Variants in P4HA1 observed in about 807,000 individuals in gnomAD.
The protein encoded by P4HA1 is prolyl 4-hydroxylase subunit alpha 1.
In P4HA1, 24 loss-of-function variants were observed where a neutral mutation model predicts 72.8. The ratio of observed to expected loss-of-function variants is 0.33; its 90% CI spans 0.24 to 0.46. The LOEUF (loss-of-function observed/expected upper bound fraction) is 0.46. Ranked by LOEUF, P4HA1 falls within the 20% of genes least tolerant of loss-of-function variation. P4HA1 has a pLI of 1.00. For missense variants in P4HA1, 446 were observed against 640.6 expected, an observed-to-expected ratio of 0.70 and a Z score of 3.28; for synonymous variants, 201 against 218.8, an observed-to-expected ratio of 0.92 and a Z score of 0.72.
At chr10:73,071,890 T>C (rs996809950) in intron 4 of P4HA1, 139 bp downstream of exon 4, 1 of 555,446 alleles carries the variant, frequency 1.8e-6, no homozygotes, top group Non-Finnish European at 3.1e-6. Flanking sequence ...TTAACTCTAT[T>C]CAAACCAAAT....
chr10:73,080,401 T>C (rs1274999812), intron 1 of P4HA1, among the ~76,000 whole-genome samples: 1 of 152,216 alleles, frequency 6.6e-6, no homozygotes, highest in African/African-American at 2.4e-5. Flanking sequence ...GGCTGGGGGA[T>C]CACAGTCTGA....
At chr10:73,029,488 T>C (rs1030065730) in intron 10 of P4HA1, among the ~76,000 whole-genome samples, 4 of 151,878 alleles carry the variant, frequency 2.6e-5, no homozygotes, top group Admixed American at 6.6e-5. Context: ...AGTGCACATT[T>C]TGATAACTTC....
At chr10:73,049,880 A>T (rs1280809654) in intron 7 of P4HA1, among the ~76,000 whole-genome samples, 1 of 152,110 alleles carries the variant, frequency 6.6e-6, no homozygotes, top group Non-Finnish European at 1.5e-5. Flanking sequence ...AGGCTGCTGA[A>T]CAGATGAGTG....
intron 10 of P4HA1, among the ~76,000 whole-genome samples, chr10:73,019,542 A>G (rs1046791397): frequency 1.3e-5 from 2 of 152,102 alleles, no homozygotes; most frequent in African/African-American, 4.8e-5. Flanking sequence ...AATTCATGAT[A>G]TGAATCAGAA....
At chr10:73,093,168 CATA>C (rs1455909158) in intron 1 of P4HA1, among the ~76,000 whole-genome samples, 2 of 148,824 alleles carry the variant, frequency 1.3e-5, no homozygotes, top group African/African-American at 2.5e-5. Flanking sequence ...ACTAATTCCA[CATA>C]ATATTACTAT....
In P4HA1 at chr10:73,037,556, TATATATATA is replaced by T. The variant is rs1458876356; in HGVS notation, c.1149-7195_1149-7187del. On this transcript the variant is annotated intron_variant, in intron 9 of 14. Transcript: ENST00000394890. ...ATATATATATATATATATATATATA[TATATATATA>T]TATATATTTTTTTTTTTTTTTTTTT... Among the ~76,000 whole-genome samples, 74 of 35,386 alleles carry T rather than the reference TATATATATA, an allele frequency of 2.1e-3. 4 individuals are homozygous for T. The highest frequency in any genetic ancestry group is 4.1e-3 in the African/African-American group (35 of 8,484). The allele number at this position is 35,386 out of a possible 152,430, so 23.2% of individuals were successfully genotyped here.
At chr10:73,074,778 C>T in intron 2 of P4HA1, 30 bp downstream of exon 2, 2 of 1,205,768 alleles carry the variant, frequency 1.7e-6, no homozygotes, top group Non-Finnish European at 2.4e-6. Flanking sequence ...AATGCAAAAC[C>T]AACAAAAAAC....
chr10:73,065,571 A>G (rs898854362), intron 5 of P4HA1: 1 of 152,164 alleles, frequency 6.6e-6, no homozygotes, highest in Non-Finnish European at 1.5e-5. Flanking sequence ...CAGATTGCTA[A>G]AATTTTTAAA....
At chr10:73,094,398 T>TG (rs898020732) in intron 1 of P4HA1, among the ~76,000 whole-genome samples, 12 of 151,800 alleles carry the variant, frequency 7.9e-5, no homozygotes, top group East Asian at 3.9e-4. Flanking sequence ...TGGACTTGAG[T>TG]GGGGGGGCAG....
At chr10:73,010,747 T>G (rs1278718314) in intron 13 of P4HA1, among the ~76,000 whole-genome samples, 1 of 152,032 alleles carries the variant, frequency 6.6e-6, no homozygotes, top group African/African-American at 2.4e-5. Flanking sequence ...CATGCACCTG[T>G]AGTCCCCACT....
At chr10:73,068,245 T>C (rs1406180689) in intron 5 of P4HA1, among the ~76,000 whole-genome samples, 1 of 152,194 alleles carries the variant, frequency 6.6e-6, no homozygotes, top group Non-Finnish European at 1.5e-5. Flanking sequence ...TCAATTTCAA[T>C]GTGAAGACAC....
At chr10:73,022,074 C>T (rs1486599171) in intron 10 of P4HA1, among the ~76,000 whole-genome samples, 1 of 152,240 alleles carries the variant, frequency 6.6e-6, no homozygotes, top group Non-Finnish European at 1.5e-5. Flanking sequence ...CATAGCTGAA[C>T]AAAAGCCAGC....
chr10:73,052,858 C>A (rs1408561719), intron 6 of P4HA1, among the ~76,000 whole-genome samples: 2 of 152,156 alleles, frequency 1.3e-5, no homozygotes, highest in South Asian at 4.1e-4. Flanking sequence ...CCAAGTAATT[C>A]TGATGCACGT....
At chr10:73,067,842 CTCA>C (rs2133124137) in intron 5 of P4HA1, among the ~76,000 whole-genome samples, 1 of 151,444 alleles carries the variant, frequency 6.6e-6, no homozygotes, top group South Asian at 2.1e-4. Context: ...CATCCAAGCA[CTCA>C]TCTTACTATA....
chr10:73,078,356 G>C (rs1475284381), intron 1 of P4HA1, among the ~76,000 whole-genome samples: 1 of 151,980 alleles, frequency 6.6e-6, no homozygotes, highest in Non-Finnish European at 1.5e-5. Context: ...AACTTAAAAT[G>C]AACACATCCT....
At chr10:73,067,131 A>T (rs1841442577) in intron 5 of P4HA1, among the ~76,000 whole-genome samples, 1 of 152,118 alleles carries the variant, frequency 6.6e-6, no homozygotes, top group Non-Finnish European at 1.5e-5. Context: ...AGCCTCCCAA[A>T]GTGCTGGGAT....
At chr10:73,066,386 A>T (rs983242928) in intron 5 of P4HA1, among the ~76,000 whole-genome samples, 18 of 152,236 alleles carry the variant, frequency 1.2e-4, no homozygotes, top group Admixed American at 1.0e-3. Context: ...CAGTGAAATC[A>T]GGGTTAAATA....
chr10:73,019,730 GAAAAAAAA>G (rs3066045), intron 10 of P4HA1, among the ~76,000 whole-genome samples: 1 of 65,232 alleles, frequency 1.5e-5, no homozygotes, highest in Non-Finnish European at 2.4e-5. Context: ...CTCTGTCTCA[GAAAAAAAA>G]AAAAAAAAAG....
At chr10:73,056,976 T>G (rs1167857987) in intron 5 of P4HA1, among the ~76,000 whole-genome samples, 1 of 142,896 alleles carries the variant, frequency 7.0e-6, no homozygotes, top group Non-Finnish European at 1.5e-5. Flanking sequence ...AGGAGAATGG[T>G]GTGAACCCAG....
Sources: gnomAD v4.1 joint callset for allele counts (sites outside exome capture counted in the v4.1 genomes callset) on GRCh38, gnomAD v4.1.1 for gene constraint, MANE v1.5 for transcripts, NCBI Gene and HGNC (gene_info 2026-07-23, HGNC 2026-07-21) for gene names.